The following ABCC5 variants were observed in gnomAD, a reference collection of about 807,000 sequenced individuals.
ABCC5 encodes the protein ATP-binding cassette sub-family C member 5.
In ABCC5, 61 loss-of-function variants were observed where a neutral mutation model predicts 160.9. The ratio of observed to expected loss-of-function variants is 0.38; its 90% CI spans 0.31 to 0.47. The LOEUF is 0.47. Ranked by LOEUF, ABCC5 falls within the 20% of genes least tolerant of loss-of-function variation. The probability of loss-of-function intolerance (pLI) is 0.99; values close to 1 mark genes in which losing one functional copy is unlikely to be tolerated. For synonymous variants in ABCC5, 666 were observed against 700.6 expected (o/e 0.95, Z 0.78); for missense variants, 1,308 against 1,813.3 (o/e 0.72, Z 5.06).
chr3:183,928,957 C>T, intron 26 of ABCC5, 132 bp from the exon 27 acceptor site: 1 of 649,732 alleles, frequency 1.5e-6, no homozygotes, highest in Non-Finnish European at 2.7e-6. Flanking sequence ...ACAGACGGCT[C>T]ATTCCACAAC....
chr3:183,956,999 C>T (rs1233222253), intron 17 of ABCC5, among the ~76,000 whole-genome samples: 1 of 150,346 alleles, frequency 6.7e-6, no homozygotes, highest in Non-Finnish European at 1.5e-5. Flanking sequence ...TACATCACAT[C>T]GGTTACATGC....
chr3:183,990,295 C>T (rs1487640372), intron 2 of ABCC5, among the ~76,000 whole-genome samples: 13 of 151,192 alleles, frequency 8.6e-5, no homozygotes, highest in South Asian at 4.2e-4. Flanking sequence ...TTAGTAGACA[C>T]GGGGTTTCAC....
At chr3:184,000,599 A>G (rs1284727786) in intron 2 of ABCC5, 1 of 152,220 alleles carries the variant, frequency 6.6e-6, no homozygotes, top group African/African-American at 2.4e-5. Context: ...AAAGAGATAA[A>G]ATCTAATATG....
rs1708213358 is a variant in ABCC5, at chr3:184,017,121, G to A, written c.-56+709C>T. ...TCCAAGACCTCCTGAAACTTTCCCC[G>A]TCGTTCCTGTGCCCACCTGCCTCCA... On this transcript the variant is annotated intron_variant, in intron 1 of 29. Coordinates refer to ENST00000334444, the MANE Select transcript of ABCC5 (RefSeq NM_005688.4). The surrounding 1 kb of genome is among the most constrained non-coding windows in gnomAD (Gnocchi z 4.5). Among the ~76,000 whole-genome samples, 1 of 152,048 alleles carries A rather than the reference G, an allele frequency of 6.6e-6. No homozygotes were observed.
intron 25 of ABCC5, chr3:183,942,312 G>A (rs1252828225): frequency 1.1e-5 from 5 of 447,330 alleles, no homozygotes; most frequent in Non-Finnish European, 2.2e-5. Context: ...GGGATTACAG[G>A]CATGAGCCAC....
At chr3:184,006,758 G>A (rs545961503) in intron 2 of ABCC5, among the ~76,000 whole-genome samples, 3 of 152,162 alleles carry the variant, frequency 2.0e-5, no homozygotes, top group African/African-American at 4.8e-5. Flanking sequence ...TACAACTTGA[G>A]CTCACCAAAA....
At chr3:183,960,128 C>A (rs536758767) in intron 16 of ABCC5, among the ~76,000 whole-genome samples, 51 of 152,296 alleles carry the variant, frequency 3.3e-4, no homozygotes, top group Admixed American at 2.9e-3. Context: ...GGCATGGGGT[C>A]ATTTCCATTC....
At chr3:183,984,450 A>G in intron 5 of ABCC5, 2 of 1,020,220 alleles carry the variant, frequency 2.0e-6, no homozygotes, top group Non-Finnish European at 2.4e-6. Context: ...AATGGAGGCC[A>G]GACACCACGG....
At chr3:183,947,294 A>G in intron 23 of ABCC5, 30 bp downstream of exon 23, 1 of 1,553,670 alleles carries the variant, frequency 6.4e-7, no homozygotes, top group Non-Finnish European at 8.7e-7. Context: ...TCAAACAAGC[A>G]AAGATGACGC....
chr3:183,959,051 G>GTACACA (rs1716490740), intron 17 of ABCC5, among the ~76,000 whole-genome samples: 1 of 56,584 alleles, frequency 1.8e-5, no homozygotes, highest in South Asian at 1.2e-3. Context: ...CATCTATACA[G>GTACACA]TACACACACA....
chr3:183,985,151 A>G, intron 5 of ABCC5: 1 of 757,146 alleles, frequency 1.3e-6, no homozygotes, highest in Non-Finnish European at 2.1e-6. Flanking sequence ...GATAAAGAAA[A>G]AAGAGGTTTT....
In ABCC5 at chr3:183,988,693, A is replaced by G. The variant is rs1433835036; in HGVS notation, c.322T>C (p.Ser108Pro). 6.2e-7 allele frequency: 1 copy of G among 1,614,148 alleles called. No individual in the cohort carries two copies. Among genetic ancestry groups the G allele is most frequent in the Admixed American group, 1.7e-5 (1 of 60,008 alleles). ...GAAAGCCACGAAAAAGTCATACAGG[A>G]AAAAAGCCCAGCATTGTCCACTGGG... Reference protein sequence around the residue: ...QHPVDNAGLFSCMTFSWLSSL... With the variant: ...QHPVDNAGLFPCMTFSWLSSL... Residue 108 changes from serine to proline, a missense_variant, in exon 4 of 30, where the codon TCC (serine) becomes CCC (proline). Transcript: ENST00000334444. This position sits in a 1 kb window ranked among gnomAD's most constrained non-coding sequence, Gnocchi z 4.4.
intron 7 of ABCC5, 53 bp from the exon 8 acceptor site, chr3:183,981,927 C>A: frequency 6.4e-7 from 1 of 1,557,848 alleles, no homozygotes; most frequent in South Asian, 1.2e-5. Flanking sequence ...AACTTGAGAA[C>A]TACCTAATCT....
chr3:183,928,318 G>A (rs1449097738), intron 27 of ABCC5, among the ~76,000 whole-genome samples: 1 of 151,964 alleles, frequency 6.6e-6, no homozygotes, highest in Admixed American at 6.6e-5. Context: ...CATCATATTG[G>A]TCAGGCTGGT....
rs376230016 is a variant in ABCC5 at position 183,987,934 on chromosome 3, G to A, written c.444-17C>T. 62 of 1,612,160 alleles carry A rather than the reference G, an allele frequency of 3.8e-5. No individual in the cohort carries two copies. Among genetic ancestry groups the A allele is most frequent in the Admixed American group, 6.7e-5 (4 of 59,984 alleles). ...CTCTCTAGTCTTAACAAGGGCACAC[G>A]TCCTCGTTACACATCTCCTCGGGGG... is the stretch of plus-strand genomic sequence containing the variant. On this transcript the variant is annotated splice_polypyrimidine_tract_variant and intron_variant, in intron 4 of 29. Coordinates refer to ENST00000334444, the MANE Select transcript of ABCC5 (RefSeq NM_005688.4). This position sits in a 1 kb window ranked among gnomAD's most constrained non-coding sequence, Gnocchi z 4.2.
In ABCC5 at chr3:183,922,078, T is replaced by TAAAA. The variant is rs1181511013; in HGVS notation, c.4213-681_4213-678dup. On this transcript the variant is annotated intron_variant, in intron 29 of 29. Transcript: ENST00000334444. ...ATAAATAAATAAATAAATAAATAAA[T>TAAAA]AAAAAACAACAGGCTGGGTGCGGTG... Among the ~76,000 whole-genome samples, 27 of 127,568 alleles carry TAAAA rather than the reference T, an allele frequency of 2.1e-4. No individual in the cohort carries two copies. The East Asian group carries it at 4.7e-3, about 22-fold the overall frequency. The allele number at this position is 127,568 out of a possible 152,430, so 83.7% of individuals were successfully genotyped here. A position where few individuals can be genotyped will look rare whatever the true frequency, so the allele number is the denominator to read the frequency against.
intron 17 of ABCC5, among the ~76,000 whole-genome samples, chr3:183,958,965 G>C (rs941613887): frequency 1.3e-5 from 2 of 151,692 alleles, no homozygotes; most frequent in African/African-American, 4.9e-5. Flanking sequence ...GCAAACCCAA[G>C]AAAGTCCCTG....
chr3:184,009,063 C>T (rs924416684), intron 2 of ABCC5, among the ~76,000 whole-genome samples: 1 of 152,076 alleles, frequency 6.6e-6, no homozygotes, highest in African/African-American at 2.4e-5. Flanking sequence ...ACAGGTCTCA[C>T]CATGATGCCC....
At chr3:183,937,573 A>G (rs933200562) in intron 26 of ABCC5, among the ~76,000 whole-genome samples, 5 of 152,230 alleles carry the variant, frequency 3.3e-5, no homozygotes, top group African/African-American at 1.2e-4. Flanking sequence ...AGGTCTTTAA[A>G]GCATCCCCAT....
Sources: gnomAD v4.1 joint callset for allele counts (sites outside exome capture counted in the v4.1 genomes callset) on GRCh38, gnomAD v4.1.1 for gene constraint, Gnocchi (gnomAD v3.1) non-coding constraint, MANE v1.5 for transcripts, NCBI Gene and HGNC (gene_info 2026-07-23, HGNC 2026-07-21) for gene names.